CPNE8: variants seen among roughly 807,000 people sequenced by gnomAD.
The protein encoded by CPNE8 is copine-8.
Under a neutral mutation model 81.5 loss-of-function variants are expected in CPNE8, and 45 were observed. That is an observed-to-expected ratio of 0.55 (90% CI 0.44 to 0.71). CPNE8 has a LOEUF of 0.71. CPNE8 is among the 30% of genes least tolerant of loss of function. CPNE8 has a pLI of 0.00. For missense variants in CPNE8, 594 were observed against 672.1 expected (o/e 0.88, Z 1.28); for synonymous variants, 252 against 226.3 (o/e 1.11, Z -1.02).
intron 17 of CPNE8, chr12:38,676,265 CT>C: frequency 4.1e-6 from 4 of 975,402 alleles, no homozygotes; most frequent in Non-Finnish European, 4.9e-6. Context: ...TGATTCCATT[CT>C]TATCCTTTCC....
Position 38,867,339 on chromosome 12 carries a change from T to TGTGTGA in CPNE8, c.186+5664_186+5665insTCACAC, listed in dbSNP as rs942285728. Among the ~76,000 whole-genome samples the TGTGTGA allele has an allele frequency of 3.5e-4, 43 of 122,088 alleles. No individual in the cohort carries two copies. In the South Asian group the frequency reaches 8.8e-3, roughly 25 times the overall value. 80.1% of individuals were successfully genotyped at this position (122,088 alleles called of 152,430 possible). A position where few individuals can be genotyped will look rare whatever the true frequency, so the allele number is the denominator to read the frequency against. On this transcript the variant is annotated intron_variant, in intron 3 of 19. Transcript: ENST00000331366. ...GTGTGTGTGTGTGTGTGTGTGTGTG[T>TGTGTGA]GAGAGAGAGAGAGAGAGAGAGAGAG...
chr12:38,703,742 CAA>C (rs1207864428), intron 13 of CPNE8, among the ~76,000 whole-genome samples: 1 of 152,106 alleles, frequency 6.6e-6, no homozygotes, highest in African/African-American at 2.4e-5. Context: ...ATAAATTCTG[CAA>C]AGTTTCAGGA....
chr12:38,902,215 A>AAG (rs1340200881), intron 1 of CPNE8, among the ~76,000 whole-genome samples: 1 of 144,390 alleles, frequency 6.9e-6, no homozygotes, highest in African/African-American at 2.7e-5. Context: ...GAAAGAAAGA[A>AAG]AGAGAAAGAG....
chr12:38,692,586 A>G (rs780452145), intron 15 of CPNE8, among the ~76,000 whole-genome samples: 16 of 152,180 alleles, frequency 1.1e-4, no homozygotes, highest in Non-Finnish European at 1.9e-4. Context: ...ATATTTGTAT[A>G]GGTTTGGTTA....
At chr12:38,858,049 G>T (rs1943773249) in intron 3 of CPNE8, among the ~76,000 whole-genome samples, 4 of 152,084 alleles carry the variant, frequency 2.6e-5, no homozygotes. Context: ...GAAAACTCTG[G>T]TCAGCTTTAT....
intron 1 of CPNE8, among the ~76,000 whole-genome samples, chr12:38,878,130 G>A (rs2137115986): frequency 6.6e-6 from 1 of 152,270 alleles, no homozygotes; most frequent in Non-Finnish European, 1.5e-5. Flanking sequence ...TCCACCCCGT[G>A]GATATAATCA....
At chr12:38,718,212 A>G (rs1940458157) in intron 13 of CPNE8, among the ~76,000 whole-genome samples, 1 of 152,160 alleles carries the variant, frequency 6.6e-6, no homozygotes, top group Admixed American at 6.5e-5. Context: ...CTAACTTAAG[A>G]AGAGTCTCCC....
chr12:38,726,191 A>C (rs1940692449), intron 11 of CPNE8, among the ~76,000 whole-genome samples: 1 of 151,252 alleles, frequency 6.6e-6, no homozygotes, highest in African/African-American at 2.4e-5. Context: ...GGCAACAGTT[A>C]GGGTCCTATT....
chr12:38,789,617 C>T (rs1023412818), intron 6 of CPNE8, among the ~76,000 whole-genome samples: 4 of 151,804 alleles, frequency 2.6e-5, no homozygotes, highest in Admixed American at 1.3e-4. Flanking sequence ...AGTTAAAAAA[C>T]TTCTACACAG....
Position 38,693,765 on chromosome 12 carries a change from T to C in CPNE8, c.1035A>G (p.Lys345=). Residue 345 remains lysine (K), a synonymous_variant, in exon 15 of 20, where the codon AAA becomes AAG. Transcript: ENST00000331366. ...AATCTTGAACAATTTCTCCCACTGC[T>C]TTTAGTGCCATACCATAGGCATTCA... The part of the protein sequence containing the change: ...YQLNAYGMAL[K]AVGEIVQDYD... The C allele has an allele frequency of 6.2e-7, 1 of 1,613,498 alleles. No homozygotes were observed. Among genetic ancestry groups the C allele is most frequent in the Non-Finnish European group, 8.5e-7 (1 of 1,179,608 alleles).
intron 7 of CPNE8, among the ~76,000 whole-genome samples, chr12:38,770,569 T>C (rs923733361): frequency 6.6e-6 from 1 of 152,206 alleles, no homozygotes; most frequent in Non-Finnish European, 1.5e-5. Context: ...TTTAAGGCTT[T>C]CCCTTGCATT....
intron 5 of CPNE8, among the ~76,000 whole-genome samples, chr12:38,836,481 G>A (rs183315053): frequency 7.9e-5 from 12 of 151,888 alleles, no homozygotes; most frequent in Non-Finnish European, 1.2e-4. Context: ...CTTAAGTACC[G>A]AACACCAAAT....
rs139050888 is a variant in CPNE8, at chr12:38,704,152, C to T, written c.915-1231G>A. Among the ~76,000 whole-genome samples, 4 of 152,124 alleles carry T rather than the reference C, an allele frequency of 2.6e-5. No individual in the cohort carries two copies. The East Asian group carries it at 7.7e-4, about 29-fold the overall frequency. ...GGGCTGAAAAATGAACTGTTGGGTA[C>T]TATGCTCAGTACCTGGGTGACAGGA... On this transcript the variant is annotated intron_variant, in intron 13 of 19. Transcript: ENST00000331366.
At chr12:38,794,314 T>G (rs867135716) in intron 6 of CPNE8, among the ~76,000 whole-genome samples, 1 of 151,910 alleles carries the variant, frequency 6.6e-6, no homozygotes, top group Non-Finnish European at 1.5e-5. Context: ...ATAGTTAATA[T>G]CCAAAATATA....
rs1256181711 is a variant in CPNE8, at chr12:38,724,914, A to G, written c.799-15T>C. The G allele has an allele frequency of 2.0e-6, 3 of 1,518,558 alleles. No homozygotes were observed. The Admixed American group carries it at 5.3e-5, about 27-fold the overall frequency. 94.1% of individuals were successfully genotyped at this position (1,518,558 alleles called of 1,614,324 possible). ...GGATTCACCACCTTAAAAAGCAGAT[A>G]AAACAATTAAAATGTGTTAGGTTTT... On this transcript the variant is annotated splice_polypyrimidine_tract_variant and intron_variant, in intron 11 of 19. Transcript: ENST00000331366.
At chr12:38,875,191 T>A (rs889382328) in intron 1 of CPNE8, among the ~76,000 whole-genome samples, 1 of 152,186 alleles carries the variant, frequency 6.6e-6, no homozygotes, top group African/African-American at 2.4e-5. Context: ...CTGATACTAG[T>A]GTATTGCTAC....
intron 3 of CPNE8, among the ~76,000 whole-genome samples, chr12:38,861,428 C>T (rs770808167): frequency 1.4e-4 from 22 of 151,894 alleles, no homozygotes; most frequent in Non-Finnish European, 2.8e-4. Context: ...ATATTAAAAA[C>T]GACTTATTAA....
intron 3 of CPNE8, among the ~76,000 whole-genome samples, chr12:38,863,918 G>C (rs1486574780): frequency 2.0e-5 from 3 of 152,032 alleles, no homozygotes; most frequent in African/African-American, 7.2e-5. Context: ...GCCTGGCATG[G>C]TGGCGGGCGC....
intron 6 of CPNE8, among the ~76,000 whole-genome samples, chr12:38,808,269 G>C (rs71463387): frequency 5.3e-5 from 8 of 151,980 alleles, no homozygotes; most frequent in Non-Finnish European, 8.8e-5. Flanking sequence ...ACCCAAACGA[G>C]TATAAATCAT....
Sources: allele counts gnomAD v4.1 joint callset (sites outside exome capture counted in the v4.1 genomes callset), GRCh38; gene constraint gnomAD v4.1.1; transcripts MANE v1.5; gene names NCBI Gene and HGNC (gene_info 2026-07-23, HGNC 2026-07-21).